Variants in CCR6 observed in about 807,000 individuals in gnomAD.
CCR6 encodes C-C chemokine receptor type 6.
CCR6 carries 2 observed loss-of-function variants against 3.0 expected under a neutral mutation model. That is an observed-to-expected ratio of 0.66 (90% CI 0.27 to 2.07). The LOEUF (loss-of-function observed/expected upper bound fraction) is 2.07. CCR6 is among the 30% of genes most tolerant of loss of function. The pLI is 0.14. For synonymous variants in CCR6, 193 were observed against 184.3 expected (o/e 1.05, Z -0.38); for missense variants, 322 against 462.8 (o/e 0.70, Z 2.79).
chr6:167,117,463 C>T lies in CCR6; in HGVS notation c.-98+5449C>T, dbSNP rs556674344. Among the ~76,000 whole-genome samples, 742 of 130,558 alleles carry T rather than the reference C, an allele frequency of 5.7e-3. 5 individuals carry two copies. Among genetic ancestry groups the T allele is most frequent in the Non-Finnish European group, 8.6e-3 (556 of 64,876 alleles). 85.7% of individuals were successfully genotyped at this position (130,558 alleles called of 152,430 possible). A position where few individuals can be genotyped will look rare whatever the true frequency, so the allele number is the denominator to read the frequency against. On this transcript the variant is annotated intron_variant, in intron 1 of 2. Coordinates refer to the CCR6 transcript ENST00000400926. The stretch of plus-strand genomic sequence containing the variant: ...ACGGAGTTTCGCTCTGTCGCCCAGG[C>T]TGGAGCGCAGTGGCACGATCTCGAC...
intron 1 of CCR6, among the ~76,000 whole-genome samples, chr6:167,133,810 G>A (rs1781804978): frequency 6.6e-6 from 1 of 150,930 alleles, no homozygotes; most frequent in Non-Finnish European, 1.5e-5. Flanking sequence ...TGCCAACAAT[G>A]TTTTGTAGTT....
rs1781862863 is a variant in CCR6, at chr6:167,137,210, T to G, written c.980T>G (p.Phe327Cys). 1 of 1,614,080 alleles carries G rather than the reference T, an allele frequency of 6.2e-7. No homozygotes were observed. Among genetic ancestry groups the G allele is most frequent in the Non-Finnish European group, 8.5e-7 (1 of 1,180,036 alleles). ...AFIGQKFRNYFLKILKDLWCV... is the reference protein window; with the variant it reads ...AFIGQKFRNYCLKILKDLWCV... ...ATTGGGCAGAAGTTCAGAAACTACT[T>G]TCTGAAGATCTTGAAGGACCTGTGG... Residue 327 changes from phenylalanine (F) to cysteine (C), a missense_variant, in exon 3 of 3, where the codon TTT (phenylalanine) becomes TGT (cysteine). By Grantham distance (205) the Phe-to-Cys change is radical. Coordinates refer to ENST00000341935, the MANE Select transcript of CCR6 (RefSeq NM_031409.4). The surrounding 1 kb of genome is among the most constrained non-coding windows in gnomAD (Gnocchi z 4.6).
chr6:167,116,341 TTCTC>T (rs1781492986), intron 1 of CCR6, among the ~76,000 whole-genome samples: 1 of 152,204 alleles, frequency 6.6e-6, no homozygotes, highest in Non-Finnish European at 1.5e-5. Flanking sequence ...CTCTTGGGAA[TTCTC>T]TCTCTCCAGC....
upstream of CCR6, among the ~76,000 whole-genome samples, chr6:167,120,006 T>A (rs192157336): frequency 4.8e-4 from 73 of 152,348 alleles, no homozygotes; most frequent in African/African-American, 1.7e-3. Context: ...TTTTGTTTTT[T>A]AAAAACATGT....
rs1218891902 is a variant in CCR6, at chr6:167,138,289, T to A, written c.*934T>A. 1 of 146,040 alleles carries A rather than the reference T, an allele frequency of 6.8e-6. No individual in the cohort carries two copies. Among genetic ancestry groups the A allele is most frequent in the South Asian group, 2.2e-4 (1 of 4,592 alleles). The allele number at this position is 146,040 out of a possible 1,614,324, so 9.0% of individuals were successfully genotyped here. On this transcript the variant is annotated 3_prime_UTR_variant, in exon 3 of 3. Coordinates refer to ENST00000341935, the MANE Select transcript of CCR6 (RefSeq NM_031409.4). ...GTTTAAAATGTTAGATGTTTTTAAT[T>A]TTTTAAATAAATGGAATACTTTTTT...
rs965603541 is a variant in CCR6, at chr6:167,138,106, G to A, written c.*751G>A. The A allele has an allele frequency of 6.6e-6, 1 of 152,324 alleles. No individual in the cohort carries two copies. The highest frequency in any genetic ancestry group is 1.5e-5 in the Non-Finnish European group (1 of 68,054). The allele number at this position is 152,324 out of a possible 1,614,324, so 9.4% of individuals were successfully genotyped here. The stretch of plus-strand genomic sequence containing the variant: ...CTGTTCTCTGTCGTGAGTGTCTCTT[G>A]TCTAAACGTCCATTAAGCTGAGAGT... On this transcript the variant is annotated 3_prime_UTR_variant, in exon 3 of 3. Coordinates refer to ENST00000341935, the MANE Select transcript of CCR6 (RefSeq NM_031409.4).
At chr6:167,121,516 GC>G (rs1054419530), upstream of CCR6, 8 of 152,380 alleles carry the variant, frequency 5.3e-5, no homozygotes, top group Admixed American at 2.6e-4. Context: ...CCTATGGGCA[GC>G]CCTTCTACAG....
At chr6:167,127,267 G>A (rs1023647245) in intron 1 of CCR6, 1 of 151,904 alleles carries the variant, frequency 6.6e-6, no homozygotes, top group Non-Finnish European at 1.5e-5. Flanking sequence ...TTCCCAAAGT[G>A]TTTCCAAAGA....
chr6:167,113,730 T>C (rs1240804612), intron 1 of CCR6, among the ~76,000 whole-genome samples: 2 of 152,214 alleles, frequency 1.3e-5, no homozygotes, highest in Non-Finnish European at 2.9e-5. Flanking sequence ...GGAATAGGCT[T>C]CCCCAAGACC....
At chr6:167,119,297 A>T (rs1781550489), upstream of CCR6, 2 of 152,964 alleles carry the variant, frequency 1.3e-5, no homozygotes, top group South Asian at 2.1e-4. Context: ...TGTGAACTGG[A>T]CGCTCGCAGT....
At chr6:167,134,382 T>C (rs1320186644) in intron 1 of CCR6, among the ~76,000 whole-genome samples, 1 of 152,208 alleles carries the variant, frequency 6.6e-6, no homozygotes, top group African/African-American at 2.4e-5. Flanking sequence ...CTGCTGGGAT[T>C]ACAAAAGTGC....
chr6:167,133,144 A>T (rs889272570), intron 1 of CCR6, among the ~76,000 whole-genome samples: 6 of 152,080 alleles, frequency 3.9e-5, no homozygotes, highest in African/African-American at 1.4e-4. Flanking sequence ...CAATTTATCA[A>T]TTTTTTTACA....
upstream of CCR6, among the ~76,000 whole-genome samples, chr6:167,121,148 C>G (rs530733777): frequency 2.0e-5 from 3 of 152,344 alleles, no homozygotes; most frequent in South Asian, 6.2e-4. Context: ...CCTCCAGATC[C>G]CTGCCTCTGT....
In CCR6 at chr6:167,139,033, TTAAC is replaced by T. The variant is rs1337771516; in HGVS notation, c.*1681_*1684del. On this transcript the variant is annotated 3_prime_UTR_variant, in exon 3 of 3. Transcript: ENST00000341935. Reference sequence around the variant, plus strand: ...AAACTTTATATTGTTCTTGTAAGCTTTAACTATATCTCTCTTTAAAATGCAAAAT... The same window carrying T: ...AAACTTTATATTGTTCTTGTAAGCTTTATATCTCTCTTTAAAATGCAAAAT... The T allele has an allele frequency of 6.6e-6, 1 of 152,324 alleles. No homozygotes were observed. Among genetic ancestry groups the T allele is most frequent in the African/African-American group, 2.4e-5 (1 of 41,448 alleles). 9.4% of individuals were successfully genotyped at this position (152,324 alleles called of 1,614,324 possible).
intron 1 of CCR6, among the ~76,000 whole-genome samples, chr6:167,135,666 T>C (rs1325218663): frequency 2.0e-5 from 3 of 152,252 alleles, no homozygotes; most frequent in Non-Finnish European, 4.4e-5. Flanking sequence ...AAGATTTTTG[T>C]GCAGATCAAA....
chr6:167,122,299 C>T (rs1247267416), upstream of CCR6, among the ~76,000 whole-genome samples: 2 of 152,212 alleles, frequency 1.3e-5, no homozygotes, highest in East Asian at 1.9e-4. The surrounding 1 kb of genome is among the most constrained non-coding windows in gnomAD (Gnocchi z 4.2). Context: ...AACCCAGGTG[C>T]GAACAGCCTT....
In CCR6 at chr6:167,136,472, C is replaced by T. The variant is rs1376162684; in HGVS notation, c.242C>T (p.Thr81Ile). ...FAFYKKARSM[T>I]DVYLLNMAIA... is the part of the protein sequence containing the mutation. Reference sequence around the variant, plus strand: ...TTTTATAAGAAGGCCAGGTCTATGACAGACGTCTATCTCTTGAACATGGCC... The same window carrying T: ...TTTTATAAGAAGGCCAGGTCTATGATAGACGTCTATCTCTTGAACATGGCC... Residue 81 changes from threonine to isoleucine, a missense_variant, in exon 3 of 3, where the codon ACA becomes ATA. Coordinates refer to ENST00000341935, the MANE Select transcript of CCR6 (RefSeq NM_031409.4). The surrounding 1 kb of genome is among the most constrained non-coding windows in gnomAD (Gnocchi z 4.6). 2 of 1,601,662 alleles carry T rather than the reference C, an allele frequency of 1.2e-6. No homozygotes were observed. Among genetic ancestry groups the T allele is most frequent in the South Asian group, 1.1e-5 (1 of 88,536 alleles).
chr6:167,126,478 G>C (rs1582996967), intron 1 of CCR6: 1 of 152,388 alleles, frequency 6.6e-6, no homozygotes, highest in East Asian at 1.9e-4. Flanking sequence ...TTCCTCCTGT[G>C]TTTGCCTTGG....
intron 1 of CCR6, among the ~76,000 whole-genome samples, chr6:167,114,640 G>A (rs1040962119): frequency 2.0e-5 from 3 of 152,238 alleles, no homozygotes; most frequent in African/African-American, 4.8e-5. Context: ...GCCGAGGCCT[G>A]CTGTGACGGC....
Sources: gnomAD v4.1 joint callset for allele counts (sites outside exome capture counted in the v4.1 genomes callset) on GRCh38, gnomAD v4.1.1 for gene constraint, Gnocchi (gnomAD v3.1) non-coding constraint, MANE v1.5 for transcripts, NCBI Gene and HGNC (gene_info 2026-07-23, HGNC 2026-07-21) for gene names.